TRABD: variants seen among roughly 807,000 people sequenced by gnomAD.
The protein encoded by TRABD is TraB domain containing, also known as traB domain-containing protein.
A neutral mutation model predicts 39.6 loss-of-function variants in TRABD; 23 were observed. The observed-to-expected ratio is 0.58, with a 90% CI of 0.42 to 0.82. TRABD has a LOEUF of 0.82. Among genes scored for constraint, TRABD ranks in the 40% least tolerant of loss-of-function variants. The pLI is 0.00. For synonymous variants in TRABD, 243 were observed against 232.1 expected, an observed-to-expected ratio of 1.05 and a Z score of -0.43; for missense variants, 487 against 544.9, an observed-to-expected ratio of 0.89 and a Z score of 1.06.
In TRABD at chr22:50,199,205, G is replaced by A. The variant is rs984183927; in HGVS notation, c.*686G>A. ...TCTTGGGTCTGTCCCGAGTGGGCTC[G>A]CGTGCAGCCAAACATCAGCTCTGGG... On this transcript the variant is annotated 3_prime_UTR_variant, in exon 10 of 10. Transcript: ENST00000380909. The A allele has an allele frequency of 2.6e-5, 18 of 702,298 alleles. No individual in the cohort carries two copies. The highest frequency in any genetic ancestry group is 4.5e-5 in the South Asian group (3 of 66,256). The allele number at this position is 702,298 out of a possible 1,614,324, so 43.5% of individuals were successfully genotyped here.
intron 5 of TRABD, among the ~76,000 whole-genome samples, chr22:50,196,143 C>T (rs1029223879): frequency 6.6e-6 from 1 of 152,188 alleles, no homozygotes; most frequent in African/African-American, 2.4e-5. Context: ...CACCTGTCCC[C>T]TCCCGGGGGA....
At chr22:50,197,763 A>AGGGCCCCCCCCCCCCCCCCGGG in intron 7 of TRABD, 60 bp from the exon 8 acceptor site, 1 of 1,439,784 alleles carries the variant, frequency 6.9e-7, no homozygotes, top group Non-Finnish European at 9.7e-7. Flanking sequence ...CCACAGTGCC[A>AGGGCCCCCCCCCCCCCCCCGGG]GCCCCACCCC....
chr22:50,189,528 G>T (rs1294885693), intron 1 of TRABD, among the ~76,000 whole-genome samples: 4 of 152,228 alleles, frequency 2.6e-5, no homozygotes, highest in Non-Finnish European at 5.9e-5. Flanking sequence ...AGGTAACAAG[G>T]CCAGAAGCCA....
intron 1 of TRABD, among the ~76,000 whole-genome samples, chr22:50,186,538 G>A (rs2063762786): frequency 6.6e-6 from 1 of 152,130 alleles, no homozygotes; most frequent in South Asian, 2.1e-4. Context: ...GGTCCTCGCG[G>A]GTCGGGAGGG....
chr22:50,195,886 G>T (rs537358947), intron 5 of TRABD, among the ~76,000 whole-genome samples: 1 of 145,090 alleles, frequency 6.9e-6, no homozygotes, highest in South Asian at 2.1e-4. Flanking sequence ...AACGTTTGGC[G>T]CCTGCCTTTC....
At chr22:50,194,688 G>T (rs554587676) in intron 4 of TRABD, among the ~76,000 whole-genome samples, 182 bp downstream of exon 4, 1 of 152,382 alleles carries the variant, frequency 6.6e-6, no homozygotes, top group South Asian at 2.1e-4. Context: ...TGACGGCCTT[G>T]TGCGTTTTCC....
At chr22:50,188,248 C>T (rs949756503) in intron 1 of TRABD, among the ~76,000 whole-genome samples, 2 of 152,054 alleles carry the variant, frequency 1.3e-5, no homozygotes, top group South Asian at 2.1e-4. Flanking sequence ...CGCCACCGCA[C>T]TCCAGCCTGG....
At chr22:50,191,746 AT>A (rs2063913381) in intron 1 of TRABD, 1 of 151,918 alleles carries the variant, frequency 6.6e-6, no homozygotes, top group African/African-American at 2.4e-5. Context: ...GCTCATTTTT[AT>A]TTTTTACTTT....
chr22:50,197,007 CTT>C (rs2064136080), intron 5 of TRABD: 1 of 541,024 alleles, frequency 1.8e-6, no homozygotes. Context: ...CCGTGAAGGT[CTT>C]TTCTGAAGGG....
In TRABD at chr22:50,196,699, TTTC is replaced by T. The variant is rs564917274; in HGVS notation, c.421-533_421-531del. On this transcript the variant is annotated intron_variant, in intron 5 of 9. Coordinates refer to ENST00000380909, the MANE Select transcript of TRABD (RefSeq NM_001320485.2). ...GAACGAGACTGCCTCATAAAGGCCT[TTTC>T]TTCTTCTTTTTTTTTTTTTGAGACA... 3.5e-3 allele frequency among the ~76,000 whole-genome samples: 536 copies of T among 151,840 alleles called. 3 individuals carry two copies. The highest frequency in any genetic ancestry group is 6.8e-3 in the Middle Eastern group (2 of 294).
At chr22:50,196,411 C>G (rs546553296) in intron 5 of TRABD, among the ~76,000 whole-genome samples, 11 of 152,350 alleles carry the variant, frequency 7.2e-5, no homozygotes, top group Non-Finnish European at 1.3e-4. Flanking sequence ...GAGCGATTGC[C>G]CGGCGCTGTG....
At position 50,198,070 on chromosome 22, in the gene TRABD, C is replaced by T; in HGVS notation, c.845-5C>T. On this transcript the variant is annotated splice_region_variant and splice_polypyrimidine_tract_variant and intron_variant, in intron 8 of 9. Coordinates refer to ENST00000380909, the MANE Select transcript of TRABD (RefSeq NM_001320485.2). The surrounding 1 kb of genome is among the most constrained non-coding windows in gnomAD (Gnocchi z 7.9). ...CAGGTACTGACCCCTTGTCCTTCCC[C>T]ACAGCCGAGCCCAGGAAGTGCGTCC... 6.2e-7 allele frequency: 1 copy of T among 1,612,508 alleles called. No individual in the cohort carries two copies. Among genetic ancestry groups the T allele is most frequent in the Non-Finnish European group, 8.5e-7 (1 of 1,179,630 alleles).
chr22:50,197,211 C>T (rs1489951565), intron 5 of TRABD, 30 bp from the exon 6 acceptor site: 1 of 1,605,794 alleles, frequency 6.2e-7, no homozygotes, highest in African/African-American at 1.3e-5. Context: ...ACCCGCCCCT[C>T]CAGCTGATGC....
chr22:50,197,776 C>CCCCCCCCGGGCCA, intron 7 of TRABD, 47 bp from the exon 8 acceptor site: 1 of 1,439,454 alleles, frequency 6.9e-7, no homozygotes, highest in Non-Finnish European at 9.7e-7. Context: ...CCCACCCCCC[C>CCCCCCCCGGGCCA]AGCCCGTTGC....
At chr22:50,197,764 G>GCCCCCCCCCCCCCCCCCCGGGC in intron 7 of TRABD, 59 bp from the exon 8 acceptor site, 1 of 1,284,796 alleles carries the variant, frequency 7.8e-7, no homozygotes, top group Non-Finnish European at 1.1e-6. Flanking sequence ...CACAGTGCCA[G>GCCCCCCCCCCCCCCCCCCGGGC]CCCCACCCCC....
intron 1 of TRABD, among the ~76,000 whole-genome samples, chr22:50,186,516 C>G (rs891490610): frequency 4.6e-5 from 7 of 152,120 alleles, no homozygotes; most frequent in Non-Finnish European, 1.0e-4. Context: ...CGGGTCGGAC[C>G]TCGAGTCCCA....
At chr22:50,192,724 G>A (rs750356452) in intron 1 of TRABD, among the ~76,000 whole-genome samples, 14 of 21,014 alleles carry the variant, frequency 6.7e-4, no homozygotes, top group African/African-American at 1.6e-3. Context: ...CGCAGTGAGG[G>A]TTGGGCAGCT....
rs1602451132 is a variant in TRABD, at chr22:50,194,562, C to T, written c.279+56C>T. ...ACGGGTTGGTGTAAGCTCCTGTGTC[C>T]TGCACTCAGGGACCTCCCGGCAGGG... On this transcript the variant is annotated intron_variant, in intron 4 of 9. Transcript: ENST00000380909. 7.1e-6 allele frequency: 11 copies of T among 1,550,280 alleles called. 1 individual carries two copies. Among genetic ancestry groups the T allele is most frequent in the African/African-American group, 6.8e-5 (5 of 73,148 alleles).
At chr22:50,195,338 T>G (rs2064061547) in intron 5 of TRABD, among the ~76,000 whole-genome samples, 1 of 104,372 alleles carries the variant, frequency 9.6e-6, no homozygotes, top group Non-Finnish European at 2.2e-5. Context: ...CAGTGCAAGG[T>G]TGGCCCCCCC....
Sources: allele counts gnomAD v4.1 joint callset (sites outside exome capture counted in the v4.1 genomes callset), GRCh38; gene constraint gnomAD v4.1.1; non-coding constraint Gnocchi (gnomAD v3.1); transcripts MANE v1.5; gene names NCBI Gene and HGNC (gene_info 2026-07-23, HGNC 2026-07-21).